The following FRMD3 variants were observed in gnomAD, a reference collection of about 807,000 sequenced individuals.
FRMD3 encodes the protein FERM domain containing 3.
Under a neutral mutation model 70.2 loss-of-function variants are expected in FRMD3, and 33 were observed. The ratio of observed to expected loss-of-function variants is 0.47; its 90% CI spans 0.36 to 0.63. FRMD3 has a LOEUF of 0.63. Among genes scored for constraint, FRMD3 ranks in the 20% least tolerant of loss-of-function variants. FRMD3 has a pLI of 0.00. For synonymous variants in FRMD3, 279 were observed against 255.9 expected (o/e 1.09, Z -0.86); for missense variants, 632 against 711.4 (o/e 0.89, Z 1.27).
At chr9:83,375,427 A>G (rs1033220373) in intron 2 of FRMD3, among the ~76,000 whole-genome samples, 7 of 152,020 alleles carry the variant, frequency 4.6e-5, no homozygotes, top group African/African-American at 1.7e-4. Context: ...TCAGTTACCC[A>G]CTTCTACAAG....
At chr9:83,275,502 C>T (rs867115274) in intron 13 of FRMD3, among the ~76,000 whole-genome samples, 33 of 152,248 alleles carry the variant, frequency 2.2e-4, no homozygotes, top group African/African-American at 7.5e-4. Context: ...ACCTCCTCCC[C>T]GACCTGCAGA....
In FRMD3 at chr9:83,458,808, A is replaced by C. The variant is rs1827891152; in HGVS notation, c.148-69100T>G. ...TCAAATACAGAAATTCCATCAGCCA[A>C]AAAACAGACACTAAATGAAAAAAGG... On this transcript the variant is annotated intron_variant, in intron 1 of 13. Coordinates refer to ENST00000304195, the MANE Select transcript of FRMD3 (RefSeq NM_174938.6). Among the ~76,000 whole-genome samples, 3 of 152,366 alleles carry C rather than the reference A, an allele frequency of 2.0e-5. No individual in the cohort carries two copies. In the South Asian group the frequency reaches 6.2e-4, roughly 32 times the overall value.
the FRMD3 span, among the ~76,000 whole-genome samples, chr9:83,568,346 G>T: frequency 6.6e-6 from 1 of 152,256 alleles, no homozygotes; most frequent in East Asian, 1.9e-4. Flanking sequence ...ACCATTTCAA[G>T]GAGTATGTAG....
chr9:83,282,903 A>C (rs1834024102), intron 13 of FRMD3, among the ~76,000 whole-genome samples: 1 of 152,228 alleles, frequency 6.6e-6, no homozygotes, highest in Non-Finnish European at 1.5e-5. Context: ...GATAAGGTGC[A>C]CTGAGTTTGC....
At chr9:83,448,834 G>A (rs752124073) in intron 1 of FRMD3, among the ~76,000 whole-genome samples, 5 of 152,290 alleles carry the variant, frequency 3.3e-5, no homozygotes, top group South Asian at 2.1e-4. Context: ...TTACCTCTTC[G>A]AATGCTTTTC....
intron 1 of FRMD3, among the ~76,000 whole-genome samples, chr9:83,530,274 C>A (rs1829767253): frequency 6.6e-6 from 1 of 152,166 alleles, no homozygotes; most frequent in Non-Finnish European, 1.5e-5. Flanking sequence ...TGTGATATAT[C>A]TATGCAATGG....
the FRMD3 span, among the ~76,000 whole-genome samples, chr9:83,558,285 C>T: frequency 0.043 from 6,552 of 152,056 alleles, 501 homozygotes; most frequent in African/African-American, 0.15. Context: ...TGTGCGCGCG[C>T]GCACGCACAT....
intron 3 of FRMD3, 58 bp from the exon 4 acceptor site, chr9:83,349,815 A>C: frequency 7.5e-7 from 1 of 1,332,666 alleles, no homozygotes; most frequent in Non-Finnish European, 1.1e-6. Flanking sequence ...GGCCTCAAAC[A>C]CACACGGGAA....
the FRMD3 span, among the ~76,000 whole-genome samples, chr9:83,569,996 G>A: frequency 2.0e-5 from 3 of 152,276 alleles, no homozygotes; most frequent in East Asian, 3.9e-4. Context: ...AAAGTTTAAG[G>A]ATGAATACAG....
intron 13 of FRMD3, among the ~76,000 whole-genome samples, chr9:83,286,667 A>G (rs1458031014): frequency 6.6e-6 from 1 of 152,132 alleles, no homozygotes; most frequent in East Asian, 1.9e-4. Context: ...CAAGCTGCTG[A>G]TCTTGAACCG....
chr9:83,381,571 A>G (rs536465822), intron 2 of FRMD3, among the ~76,000 whole-genome samples: 1 of 152,228 alleles, frequency 6.6e-6, no homozygotes, highest in Admixed American at 6.5e-5. Context: ...AAAGAAAGAA[A>G]AAAGAAAATC....
chr9:83,301,439 C>T (rs1834921741), intron 10 of FRMD3, among the ~76,000 whole-genome samples: 2 of 151,558 alleles, frequency 1.3e-5, no homozygotes. Context: ...GAAGAGAAAG[C>T]TTTAAAGAAG....
chr9:83,414,366 G>C (rs553438437), intron 1 of FRMD3, among the ~76,000 whole-genome samples: 1 of 152,148 alleles, frequency 6.6e-6, no homozygotes, highest in East Asian at 1.9e-4. Context: ...CAATGTGAAA[G>C]GTAAAACAAT....
At chr9:83,324,625 A>G (rs1212474831) in intron 6 of FRMD3, among the ~76,000 whole-genome samples, 1 of 152,222 alleles carries the variant, frequency 6.6e-6, no homozygotes, top group Non-Finnish European at 1.5e-5. Context: ...GATCAAGAGG[A>G]TAATAGATAC....
At chr9:83,506,539 G>A (rs564459886) in intron 1 of FRMD3, among the ~76,000 whole-genome samples, 25 of 152,246 alleles carry the variant, frequency 1.6e-4, no homozygotes, top group South Asian at 4.1e-4. Flanking sequence ...AGTAAAAATC[G>A]ACTTAAAATG....
chr9:83,472,811 A>T (rs1030954690), intron 1 of FRMD3, among the ~76,000 whole-genome samples: 1 of 152,214 alleles, frequency 6.6e-6, no homozygotes, highest in African/African-American at 2.4e-5. Flanking sequence ...TTTCTCATAT[A>T]AAATATCTTT....
intron 2 of FRMD3, among the ~76,000 whole-genome samples, chr9:83,379,491 G>A (rs1462867597): frequency 6.6e-6 from 1 of 152,108 alleles, no homozygotes. Context: ...ATTTACTGTA[G>A]CTGAAATCTT....
chr9:83,361,432 G>A (rs1824581001), intron 3 of FRMD3, among the ~76,000 whole-genome samples: 1 of 152,170 alleles, frequency 6.6e-6, no homozygotes, highest in Non-Finnish European at 1.5e-5. Context: ...GATAGCATAG[G>A]CTGCCCCTCA....
At chr9:83,493,041 C>T (rs539728735) in intron 1 of FRMD3, among the ~76,000 whole-genome samples, 2 of 152,246 alleles carry the variant, frequency 1.3e-5, no homozygotes, top group Admixed American at 6.5e-5. Context: ...GAATCCCTCC[C>T]TTGACTTTGG....
Sources: gnomAD v4.1 joint callset for allele counts (sites outside exome capture counted in the v4.1 genomes callset) on GRCh38, gnomAD v4.1.1 for gene constraint, MANE v1.5 for transcripts, NCBI Gene and HGNC (gene_info 2026-07-23, HGNC 2026-07-21) for gene names.